EPB42: variants seen among roughly 807,000 people sequenced by gnomAD.
The protein encoded by EPB42 is erythrocyte membrane protein band 4.2.
Under a neutral mutation model 76.9 loss-of-function variants are expected in EPB42, and 49 were observed. The observed-to-expected ratio is 0.64, with a 90% CI of 0.51 to 0.81. The LOEUF is 0.81. EPB42 is among the 30% of genes least tolerant of loss of function. The probability of loss-of-function intolerance (pLI) is 0.00; values close to 1 mark genes in which losing one functional copy is unlikely to be tolerated. For missense variants in EPB42, 731 were observed against 867.6 expected (o/e 0.84, Z 1.98); for synonymous variants, 310 against 338.4 (o/e 0.92, Z 0.92).
At chr15:43,215,416 G>T in intron 2 of EPB42, 88 bp from the exon 3 acceptor site, 2 of 1,426,392 alleles carry the variant, frequency 1.4e-6, no homozygotes, top group Non-Finnish European at 2.0e-6. Flanking sequence ...AGATGGAGCA[G>T]GTGAAATTTG....
chr15:43,220,609 A>C, intron 1 of EPB42: 1 of 983,150 alleles, frequency 1.0e-6, no homozygotes, highest in Non-Finnish European at 1.6e-6. Flanking sequence ...CACGCTCCAC[A>C]GCCAGCTCAC....
chr15:43,216,042 G>A (rs1361003904), intron 2 of EPB42, among the ~76,000 whole-genome samples: 2 of 152,232 alleles, frequency 1.3e-5, no homozygotes, highest in African/African-American at 4.8e-5. Flanking sequence ...CTGAAAAGAA[G>A]CTCTTGGTGA....
chr15:43,209,242 C>T, intron 6 of EPB42, 32 bp downstream of exon 6: 1 of 1,613,370 alleles, frequency 6.2e-7, no homozygotes, highest in Non-Finnish European at 8.5e-7. Flanking sequence ...ACCCAGGAGG[C>T]AGGGCACTCT....
chr15:43,210,984 G>A (rs572375426), intron 4 of EPB42, among the ~76,000 whole-genome samples: 11 of 152,272 alleles, frequency 7.2e-5, no homozygotes, highest in South Asian at 6.2e-4. Flanking sequence ...GCTTCGAGAA[G>A]GTCTTGAGAG....
intron 1 of EPB42, 152 bp from the exon 2 acceptor site, chr15:43,216,605 T>G (rs45507598): frequency 8.4e-4 from 638 of 757,568 alleles, no homozygotes; most frequent in Non-Finnish European, 1.2e-3. Context: ...TTAACCACCC[T>G]GAGCCTCAGT....
Position 43,197,249 on chromosome 15 carries a change from G to A in EPB42, c.*53C>T. The A allele has an allele frequency of 6.2e-7, 1 of 1,610,322 alleles. No individual in the cohort carries two copies. Among genetic ancestry groups the A allele is most frequent in the Non-Finnish European group, 8.5e-7 (1 of 1,176,956 alleles). ...AAGTTTCTCTTCCTAGCACATGTTTGGTTTAGATTGTAGAACAAGGGTTGG... is the reference window on the plus strand; with the variant it reads ...AAGTTTCTCTTCCTAGCACATGTTTAGTTTAGATTGTAGAACAAGGGTTGG... On this transcript the variant is annotated 3_prime_UTR_variant, in exon 13 of 13. Transcript: ENST00000441366.
At chr15:43,220,554 C>T (rs2042441931) in intron 1 of EPB42, among the ~76,000 whole-genome samples, 1 of 152,040 alleles carries the variant, frequency 6.6e-6, no homozygotes, top group Non-Finnish European at 1.5e-5. Flanking sequence ...ACAGCAACAT[C>T]ACCATCACCT....
In EPB42 at chr15:43,210,328, C is replaced by A; in HGVS notation, c.654+7G>T. On this transcript the variant is annotated splice_region_variant and intron_variant, in intron 5 of 12. Transcript: ENST00000441366. ...GCCCCATTCTGGTTCCCCAGCCTCTCGCTTACCAAGGCACCCAACACACGG... is the reference window on the plus strand; with the variant it reads ...GCCCCATTCTGGTTCCCCAGCCTCTAGCTTACCAAGGCACCCAACACACGG... The A allele has an allele frequency of 6.2e-7, 1 of 1,612,620 alleles. No individual in the cohort carries two copies. Among genetic ancestry groups the A allele is most frequent in the Non-Finnish European group, 8.5e-7 (1 of 1,179,504 alleles).
intron 12 of EPB42, among the ~76,000 whole-genome samples, chr15:43,200,345 T>C (rs546719676): frequency 6.6e-6 from 1 of 152,140 alleles, no homozygotes; most frequent in East Asian, 1.9e-4. Flanking sequence ...TCAGGGAGGG[T>C]AGGAGTAAGT....
At chr15:43,225,624 C>T (rs1404619037), upstream of EPB42, among the ~76,000 whole-genome samples, 2 of 152,150 alleles carry the variant, frequency 1.3e-5, no homozygotes, top group African/African-American at 4.8e-5. Flanking sequence ...TCTCTGCCAC[C>T]AAGGAGCTTC....
chr15:43,208,105 C>G (rs1406662588), intron 8 of EPB42, 125 bp downstream of exon 8: 2 of 795,962 alleles, frequency 2.5e-6, no homozygotes, highest in East Asian at 2.7e-5. Flanking sequence ...TGCTGTCATG[C>G]CTCGTGCTTC....
At position 43,203,178 on chromosome 15, in the gene EPB42, T is replaced by C. The variant is rs139490049; in HGVS notation, c.1716A>G (p.Glu572=). The C allele has an allele frequency of 5.8e-5, 94 of 1,613,826 alleles. No homozygotes were observed. The highest frequency in any genetic ancestry group is 7.5e-5 in the Non-Finnish European group (89 of 1,179,998). Residue 572 remains glutamate, a synonymous_variant, in exon 11 of 13, where the codon GAA becomes GAG. Coordinates refer to ENST00000441366, the MANE Select transcript of EPB42 (RefSeq NM_001114134.2). Reference sequence around the variant, plus strand: ...CCTGAGCAAAGCAGCTAAGGTTGGATTCAGAGTGTGTTGCCATGGCGGTGA... The same window carrying C: ...CCTGAGCAAAGCAGCTAAGGTTGGACTCAGAGTGTGTTGCCATGGCGGTGA... ...LRLTAMATHS[E]SNLSCFAQED... is the part of the protein sequence containing the mutation.
At position 43,206,230 on chromosome 15, in the gene EPB42, T is replaced by C. The variant is rs2042201567; in HGVS notation, c.1618+100A>G. 1 of 1,287,506 alleles carries C rather than the reference T, an allele frequency of 7.8e-7. No homozygotes were observed. The highest frequency in any genetic ancestry group is 1.5e-5 in the African/African-American group (1 of 67,280). The allele number at this position is 1,287,506 out of a possible 1,614,324, so 79.8% of individuals were successfully genotyped here. ...AGCAGCAGGGGCTCAAAGCCATCTC[T>C]AGAGACTGCAGGGGGTGCCCTGTGG... is the stretch of plus-strand genomic sequence containing the variant. On this transcript the variant is annotated intron_variant, in intron 10 of 12. Coordinates refer to ENST00000441366, the MANE Select transcript of EPB42 (RefSeq NM_001114134.2). The surrounding 1 kb of genome is among the most constrained non-coding windows in gnomAD (Gnocchi z 4.7).
At chr15:43,211,623 G>C in intron 3 of EPB42, 89 bp from the exon 4 acceptor site, 1 of 928,106 alleles carries the variant, frequency 1.1e-6, no homozygotes, top group Non-Finnish European at 1.8e-6. Flanking sequence ...CCGAGATTAG[G>C]TTTGGCTGCA....
At chr15:43,204,972 C>CT (rs975531845) in intron 10 of EPB42, among the ~76,000 whole-genome samples, 4 of 145,290 alleles carry the variant, frequency 2.8e-5, no homozygotes, top group South Asian at 2.3e-4. Context: ...CCGCCCCCCC[C>CT]CCAAAAAAAA....
intron 1 of EPB42, among the ~76,000 whole-genome samples, chr15:43,218,628 C>G (rs1003625514): frequency 1.3e-5 from 2 of 152,212 alleles, no homozygotes; most frequent in Non-Finnish European, 2.9e-5. Flanking sequence ...CAATAGATAG[C>G]CAATCAGTGT....
chr15:43,207,183 C>T lies in EPB42; in HGVS notation c.1318+16G>A, dbSNP rs1426284995. ...TTCAGGTACCGAGAAGCCTGGGGCC[C>T]TTCCCTGGCCCGTACCTTCAGGATA... is the stretch of plus-strand genomic sequence containing the variant. On this transcript the variant is annotated intron_variant, in intron 9 of 12. Transcript: ENST00000441366. The T allele has an allele frequency of 1.2e-6, 2 of 1,613,874 alleles. No individual in the cohort carries two copies. Among genetic ancestry groups the T allele is most frequent in the Non-Finnish European group, 1.7e-6 (2 of 1,180,036 alleles).
In EPB42 at chr15:43,208,310, C is replaced by T. The variant is rs1430869711; in HGVS notation, c.995G>A (p.Cys332Tyr). ...GGGCAAGGCAGGCCGCGTCATCCAGCACTCTGTGGAAGTCTGGAAGATCCT... is the reference window on the plus strand; with the variant it reads ...GGGCAAGGCAGGCCGCGTCATCCAGTACTCTGTGGAAGTCTGGAAGATCCT... ...RIWIFQTSTECWMTRPALPQG... is the reference protein window; with the variant it reads ...RIWIFQTSTEYWMTRPALPQG... The change falls in exon 8 of 13, where the codon TGC (cysteine) becomes TAC (tyrosine). Residue 332 changes from cysteine (C) to tyrosine (Y), a missense_variant. Physicochemically the swap from Cys to Tyr is radical, Grantham distance 194 (BLOSUM62 -2). Coordinates refer to ENST00000441366, the MANE Select transcript of EPB42 (RefSeq NM_001114134.2). The T allele has an allele frequency of 6.2e-7, 1 of 1,613,984 alleles. No individual in the cohort carries two copies. The highest frequency in any genetic ancestry group is 1.3e-5 in the African/African-American group (1 of 74,924).
upstream of EPB42, among the ~76,000 whole-genome samples, chr15:43,225,570 C>T (rs78057833): frequency 6.8e-4 from 104 of 152,250 alleles, no homozygotes; most frequent in Admixed American, 1.6e-3. Context: ...TGTTAGGAAC[C>T]GCGTTAGATA....
Sources: allele counts gnomAD v4.1 joint callset (sites outside exome capture counted in the v4.1 genomes callset), GRCh38; gene constraint gnomAD v4.1.1; non-coding constraint Gnocchi (gnomAD v3.1); transcripts MANE v1.5; gene names NCBI Gene and HGNC (gene_info 2026-07-23, HGNC 2026-07-21).